Variants in PRIM2 observed in about 807,000 individuals in gnomAD.
PRIM2 encodes DNA primase subunit 2, also known as DNA primase large subunit.
In PRIM2, 39 loss-of-function variants were observed where a neutral mutation model predicts 67.3. The observed-to-expected ratio is 0.58, with a 90% CI of 0.45 to 0.76. The LOEUF is 0.76. Among genes scored for constraint, PRIM2 ranks in the 30% least tolerant of loss-of-function variants. The pLI is 0.00. For missense variants in PRIM2, 398 were observed against 598.7 expected (o/e 0.66, Z 3.50); for synonymous variants, 143 against 198.7 (o/e 0.72, Z 2.36).
chr6:57,486,713 C>A lies in PRIM2; in HGVS notation c.694-20674C>A, dbSNP rs1272608388. ...GTCATATTTCGCATTAAACGACAAA[C>A]CTAGGCATCAGAAATGAGACCTTGG... On this transcript the variant is annotated intron_variant, in intron 7 of 13. Coordinates refer to ENST00000615550, the MANE Select transcript of PRIM2 (RefSeq NM_000947.5). Among the ~76,000 whole-genome samples, 3 of 152,314 alleles carry A rather than the reference C, an allele frequency of 2.0e-5. No homozygotes were observed. The East Asian group carries it at 5.8e-4, about 29-fold the overall frequency.
At chr6:57,515,834 C>T (rs1554348196) in intron 8 of PRIM2, among the ~76,000 whole-genome samples, 2 of 152,282 alleles carry the variant, frequency 1.3e-5, no homozygotes, top group African/African-American at 2.4e-5. Flanking sequence ...GGTTAGAAAT[C>T]GGACATGGGT....
At chr6:57,445,316 G>C (rs904197437) in intron 7 of PRIM2, among the ~76,000 whole-genome samples, 6 of 152,166 alleles carry the variant, frequency 3.9e-5, no homozygotes, top group Admixed American at 1.3e-4. Flanking sequence ...GTGTGTGTGT[G>C]TGTATATGAG....
At chr6:57,575,165 TC>T (rs1775940015) in intron 10 of PRIM2, among the ~76,000 whole-genome samples, 1 of 152,172 alleles carries the variant, frequency 6.6e-6, no homozygotes, top group Non-Finnish European at 1.5e-5. Context: ...ACTTAGATTT[TC>T]TTCCTGCCTT....
At chr6:57,339,578 A>C (rs1253117929) in intron 5 of PRIM2, among the ~76,000 whole-genome samples, 31 of 152,238 alleles carry the variant, frequency 2.0e-4, no homozygotes, top group African/African-American at 5.1e-4. Flanking sequence ...TGATCTTTGA[A>C]AAACCTGAGA....
intron 7 of PRIM2, among the ~76,000 whole-genome samples, chr6:57,388,926 AG>A (rs1770236681): frequency 1.4e-5 from 2 of 145,506 alleles, no homozygotes; most frequent in African/African-American, 5.6e-5. Flanking sequence ...GTGGGATGTC[AG>A]TGGAGAAGAG....
chr6:57,470,302 GGTGCT>G (rs1773305055), intron 7 of PRIM2, among the ~76,000 whole-genome samples: 2 of 149,820 alleles, frequency 1.3e-5, no homozygotes, highest in East Asian at 4.0e-4. Flanking sequence ...TTTTCTCCTT[GGTGCT>G]GTGTTCTGCA....
the PRIM2 span, among the ~76,000 whole-genome samples, chr6:57,226,724 A>G: frequency 6.6e-6 from 1 of 152,228 alleles, no homozygotes; most frequent in East Asian, 1.9e-4. Flanking sequence ...AGGCCGGTTC[A>G]GGCAAGAGAT....
intron 7 of PRIM2, among the ~76,000 whole-genome samples, chr6:57,473,435 A>C (rs1773386588): frequency 1.3e-5 from 2 of 152,296 alleles, no homozygotes; most frequent in Middle Eastern, 3.4e-3. Flanking sequence ...TCTTTAGATT[A>C]ACCTGGAAAA....
At chr6:57,489,378 A>G (rs1271144002) in intron 7 of PRIM2, among the ~76,000 whole-genome samples, 1 of 152,256 alleles carries the variant, frequency 6.6e-6, no homozygotes, top group African/African-American at 2.4e-5. Context: ...AACACGGTGA[A>G]ACCCCGTCTT....
At chr6:57,594,958 A>G (rs1368273317) in intron 10 of PRIM2, among the ~76,000 whole-genome samples, 2 of 152,240 alleles carry the variant, frequency 1.3e-5, no homozygotes, top group Non-Finnish European at 2.9e-5. Context: ...TAAATGGGCA[A>G]AAGATTTGAA....
intron 8 of PRIM2, among the ~76,000 whole-genome samples, chr6:57,529,137 C>T (rs1386218901): frequency 0.013 from 1,974 of 152,126 alleles, 42 homozygotes; most frequent in African/African-American, 0.044. Context: ...GGTGAAACCC[C>T]GTCACTACTC....
the PRIM2 span, among the ~76,000 whole-genome samples, chr6:57,308,941 T>A: frequency 6.6e-6 from 1 of 151,798 alleles, no homozygotes; most frequent in Non-Finnish European, 1.5e-5. Flanking sequence ...TTTGTTTATT[T>A]TTTTTTTTAG....
At chr6:57,339,909 G>A (rs1768409562) in intron 5 of PRIM2, among the ~76,000 whole-genome samples, 1 of 150,752 alleles carries the variant, frequency 6.6e-6, no homozygotes, top group Non-Finnish European at 1.5e-5. Flanking sequence ...TACCATCAGA[G>A]TGAACAGGCA....
intron 10 of PRIM2, among the ~76,000 whole-genome samples, chr6:57,573,413 C>CT (rs1157239523): frequency 0.012 from 1,897 of 151,876 alleles, 37 homozygotes; most frequent in African/African-American, 0.038. Flanking sequence ...TCATCCTCAG[C>CT]TTTTTTTTAT....
At chr6:57,226,481 AGGT>A in the PRIM2 span, among the ~76,000 whole-genome samples, 3 of 152,186 alleles carry the variant, frequency 2.0e-5, no homozygotes, top group Non-Finnish European at 4.4e-5. Context: ...TGCAGGAGTG[AGGT>A]GGAAAGCGGT....
At chr6:57,401,362 G>A (rs1226700082) in intron 7 of PRIM2, among the ~76,000 whole-genome samples, 4 of 152,098 alleles carry the variant, frequency 2.6e-5, no homozygotes, top group African/African-American at 9.7e-5. Context: ...CTTGTCTTTA[G>A]TTTAAGAGGA....
intron 5 of PRIM2, among the ~76,000 whole-genome samples, chr6:57,345,506 G>A (rs2024224): frequency 0.071 from 8,632 of 122,160 alleles, 365 homozygotes; most frequent in South Asian, 0.11. Context: ...GTGTGTGTGT[G>A]TACATACATA....
chr6:57,240,580 G>A, the PRIM2 span, among the ~76,000 whole-genome samples: 1 of 152,164 alleles, frequency 6.6e-6, no homozygotes, highest in African/African-American at 2.4e-5. Flanking sequence ...GCACAGGTGA[G>A]AGGTAGAGAG....
chr6:57,629,163 C>T (rs1276079461), intron 12 of PRIM2, among the ~76,000 whole-genome samples: 2 of 152,096 alleles, frequency 1.3e-5, no homozygotes, highest in African/African-American at 4.8e-5. Context: ...TTTAACAAAA[C>T]AAAGTGCAGA....
Sources: allele counts gnomAD v4.1 joint callset (sites outside exome capture counted in the v4.1 genomes callset), GRCh38; gene constraint gnomAD v4.1.1; transcripts MANE v1.5; gene names NCBI Gene and HGNC (gene_info 2026-07-23, HGNC 2026-07-21).